SVOP: variants seen among roughly 807,000 people sequenced by gnomAD.
SVOP encodes the protein SV2 related protein.
SVOP carries 17 observed loss-of-function variants against 69.1 expected under a neutral mutation model. That is an observed-to-expected ratio of 0.25 (90% CI 0.17 to 0.37). The LOEUF is 0.37. Among genes scored for constraint, SVOP ranks in the 10% least tolerant of loss-of-function variants. SVOP has a pLI of 1.00. For synonymous variants in SVOP, 238 were observed against 238.6 expected (o/e 1.00, Z 0.02); for missense variants, 435 against 597.5 (o/e 0.73, Z 2.84).
At chr12:108,956,450 C>T (rs1373513226) in intron 6 of SVOP, among the ~76,000 whole-genome samples, 1 of 152,200 alleles carries the variant, frequency 6.6e-6, no homozygotes, top group Non-Finnish European at 1.5e-5. Flanking sequence ...CAGATCCCCA[C>T]CCTCCAATGC....
chr12:108,916,011 G>A (rs2039711324), intron 14 of SVOP, 139 bp from the exon 15 acceptor site: 4 of 758,708 alleles, frequency 5.3e-6, no homozygotes. Context: ...GCCCTTAAGG[G>A]ACAGGGATCC....
chr12:108,969,995 T>C (rs1160231523), intron 5 of SVOP, among the ~76,000 whole-genome samples: 1 of 152,198 alleles, frequency 6.6e-6, no homozygotes, highest in African/African-American at 2.4e-5. Flanking sequence ...AGGCCCATCA[T>C]GGCTGCATTT....
intron 11 of SVOP, among the ~76,000 whole-genome samples, chr12:108,927,574 A>G (rs1364804613): frequency 6.9e-6 from 1 of 143,928 alleles, no homozygotes; most frequent in Admixed American, 7.8e-5. Context: ...CTAATGACAA[A>G]GACTCTCTCT....
chr12:108,910,500 ATAAT>A lies in SVOP; in HGVS notation c.*2031_*2034del, dbSNP rs1794129674. ...CCCAGGAGAGCTCAGCTGTCCAGAA[ATAAT>A]TAGAGCTACAGCCACACGTGGTTCA... On this transcript the variant is annotated 3_prime_UTR_variant, in exon 16 of 16. Transcript: ENST00000610966. The A allele has an allele frequency of 6.6e-6, 1 of 152,234 alleles. No individual in the cohort carries two copies. Among genetic ancestry groups the A allele is most frequent in the East Asian group, 1.9e-4 (1 of 5,194 alleles). The allele number at this position is 152,234 out of a possible 1,614,324, so 9.4% of individuals were successfully genotyped here. A position where few individuals can be genotyped will look rare whatever the true frequency, so the allele number is the denominator to read the frequency against.
chr12:109,003,485 G>A (rs1285494137), intron 1 of SVOP, among the ~76,000 whole-genome samples: 3 of 152,184 alleles, frequency 2.0e-5, no homozygotes, highest in Non-Finnish European at 4.4e-5. Context: ...GGAAAATTGT[G>A]AGCAATGAGG....
chr12:108,995,857 G>A (rs1032345586), intron 1 of SVOP, among the ~76,000 whole-genome samples: 4 of 150,618 alleles, frequency 2.7e-5, no homozygotes, highest in African/African-American at 7.3e-5. Context: ...AGCTGAGATC[G>A]CACCACTGCA....
rs1212317326 is a variant in SVOP, at chr12:108,982,053, C to T, written c.196+1548G>A. Among the ~76,000 whole-genome samples the T allele has an allele frequency of 1.1e-4, 17 of 151,758 alleles. No individual in the cohort carries two copies. In the East Asian group the frequency reaches 1.6e-3, roughly 14 times the overall value. On this transcript the variant is annotated intron_variant, in intron 2 of 15. Transcript: ENST00000610966. ...CCATCATCATCACTATCATCATCAT[C>T]GTCACCATCATAACCACCATCTTCA...
chr12:108,927,589 C>CTTTTT (rs10679632), intron 11 of SVOP, among the ~76,000 whole-genome samples: 2 of 131,272 alleles, frequency 1.5e-5, no homozygotes, highest in African/African-American at 5.7e-5. Flanking sequence ...CTCTCTCTCT[C>CTTTTT]TTTTTTTTTT....
At chr12:108,947,375 C>A in intron 6 of SVOP, among the ~76,000 whole-genome samples, 1 of 151,998 alleles carries the variant, frequency 6.6e-6, no homozygotes, top group South Asian at 2.1e-4. Context: ...TACTTCTCTC[C>A]CTCTCTCTTC....
At chr12:108,986,731 G>C (rs1414556695) in intron 1 of SVOP, among the ~76,000 whole-genome samples, 1 of 152,098 alleles carries the variant, frequency 6.6e-6, no homozygotes, top group Non-Finnish European at 1.5e-5. Flanking sequence ...GAGATACCAT[G>C]AGATGCAGGT....
intron 14 of SVOP, among the ~76,000 whole-genome samples, chr12:108,917,044 GC>G (rs1210739088): frequency 2.0e-5 from 3 of 152,212 alleles, no homozygotes; most frequent in Non-Finnish European, 4.4e-5. Flanking sequence ...ACTGTGCCTG[GC>G]CTGGGCTCTT....
intron 11 of SVOP, among the ~76,000 whole-genome samples, chr12:108,926,884 C>T (rs942559555): frequency 8.5e-5 from 13 of 152,188 alleles, no homozygotes; most frequent in African/African-American, 1.7e-4. Context: ...TGAGTAGATG[C>T]GCTGACTACC....
intron 3 of SVOP, 65 bp downstream of exon 3, chr12:108,978,513 G>C (rs2040118895): frequency 1.5e-6 from 1 of 688,492 alleles, no homozygotes; most frequent in East Asian, 2.7e-5. Context: ...GTAGGCCATG[G>C]AAACCCAGTT....
intron 5 of SVOP, among the ~76,000 whole-genome samples, chr12:108,966,717 T>A (rs1307730901): frequency 6.6e-6 from 1 of 152,176 alleles, no homozygotes; most frequent in Non-Finnish European, 1.5e-5. Context: ...ATGGAATTTA[T>A]CAAGCTGTTT....
intron 5 of SVOP, among the ~76,000 whole-genome samples, chr12:108,964,633 C>T (rs939581213): frequency 6.6e-6 from 1 of 152,174 alleles, no homozygotes; most frequent in Admixed American, 6.5e-5. Flanking sequence ...TGTGTAAGGC[C>T]TGTCATGGAT....
Position 108,968,768 on chromosome 12 carries a change from T to TGTG in SVOP, c.453+3636_453+3637insCAC, listed in dbSNP as rs2040061271. 1.3e-4 allele frequency among the ~76,000 whole-genome samples: 10 copies of TGTG among 79,710 alleles called. No homozygotes were observed. In the Admixed American group the frequency reaches 1.5e-3, roughly 12 times the overall value. 52.3% of individuals were successfully genotyped at this position (79,710 alleles called of 152,430 possible). A position where few individuals can be genotyped will look rare whatever the true frequency, so the allele number is the denominator to read the frequency against. ...TTTGTGTGTGTGTGTGTGTGTGTGT[T>TGTG]TGTGCATGTTTGTCTCAGGAACAAA... On this transcript the variant is annotated intron_variant, in intron 5 of 15. Coordinates refer to ENST00000610966, the MANE Select transcript of SVOP (RefSeq NM_018711.5).
chr12:108,990,109 G>A (rs1455061213), intron 1 of SVOP, among the ~76,000 whole-genome samples: 1 of 152,148 alleles, frequency 6.6e-6, no homozygotes, highest in Non-Finnish European at 1.5e-5. Context: ...ATCACTGGGC[G>A]TCAGGTCAGT....
Position 108,934,215 on chromosome 12 carries a change from T to G in SVOP, c.1028A>C (p.Gln343Pro), listed in dbSNP as rs908398240. The G allele has an allele frequency of 2.3e-5, 37 of 1,605,968 alleles. No homozygotes were observed. Among genetic ancestry groups the G allele is most frequent in the Non-Finnish European group, 3.0e-5 (35 of 1,176,252 alleles). Residue 343 changes from glutamine to proline, a missense_variant, in exon 11 of 16, where the codon CAG (glutamine) becomes CCG (proline). Physicochemically the swap from Gln to Pro is moderately conservative, Grantham distance 76. Transcript: ENST00000610966. ...CTCACTGCCGCAGACATCTCCTGCCTGGAAGAGTTCTGTGGTGAGTAGAAC... is the reference window on the plus strand; with the variant it reads ...CTCACTGCCGCAGACATCTCCTGCCGGGAAGAGTTCTGTGGTGAGTAGAAC... ...GLVLLTTELF[Q>P]AGDVCGISSR...
chr12:108,925,109 C>T (rs991341840), intron 11 of SVOP, among the ~76,000 whole-genome samples: 1 of 152,088 alleles, frequency 6.6e-6, no homozygotes, highest in Non-Finnish European at 1.5e-5. Context: ...GGGTCCAAAC[C>T]AAGGTATAGT....
Sources: allele counts gnomAD v4.1 joint callset (sites outside exome capture counted in the v4.1 genomes callset), GRCh38; gene constraint gnomAD v4.1.1; transcripts MANE v1.5; gene names NCBI Gene and HGNC (gene_info 2026-07-23, HGNC 2026-07-21).